Variants in GGACT observed in about 807,000 individuals in gnomAD.
The protein encoded by GGACT is gamma-glutamylaminecyclotransferase.
For synonymous variants in GGACT, 118 were observed against 115.3 expected, an observed-to-expected ratio of 1.02 and a Z score of -0.15; for missense variants, 241 against 233.2, an observed-to-expected ratio of 1.03 and a Z score of -0.22.
intron 2 of GGACT, among the ~76,000 whole-genome samples, chr13:100,551,273 G>A (rs918598687): frequency 6.6e-6 from 1 of 151,754 alleles, no homozygotes; most frequent in African/African-American, 2.4e-5. Context: ...GACAGAGCGA[G>A]ACTCTGTCTC....
rs1224053484 is a variant in GGACT at position 100,545,962 on chromosome 13, C to A, written c.-10-13361G>T. On this transcript the variant is annotated intron_variant, in intron 2 of 2. Transcript: ENST00000683975. The surrounding 1 kb of genome is among the most constrained non-coding windows in gnomAD (Gnocchi z 4.4). ...CAACCTGCTGGGCCACCCAGAGTGC[C>A]TTTCCCCCTCTTTTCCTCCATCATC... 1.3e-5 allele frequency among the ~76,000 whole-genome samples: 2 copies of A among 152,238 alleles called. No homozygotes were observed. Among genetic ancestry groups the A allele is most frequent in the Admixed American group, 1.3e-4 (2 of 15,286 alleles).
Position 100,545,400 on chromosome 13 carries a change from T to A in GGACT, c.-10-12799A>T, listed in dbSNP as rs574788617. On this transcript the variant is annotated intron_variant, in intron 2 of 2. Coordinates refer to ENST00000683975, the MANE Select transcript of GGACT (RefSeq NM_001195087.2). The surrounding 1 kb of genome is among the most constrained non-coding windows in gnomAD (Gnocchi z 4.4). Reference sequence around the variant, plus strand: ...AGAGCCTTCACGTCCCTTCCTGACCTCCTTCCTGACCTCCACGTCCCAGGG... The same window carrying A: ...AGAGCCTTCACGTCCCTTCCTGACCACCTTCCTGACCTCCACGTCCCAGGG... 2.6e-5 allele frequency among the ~76,000 whole-genome samples: 4 copies of A among 152,136 alleles called. No individual in the cohort carries two copies. The East Asian group carries it at 5.8e-4, about 22-fold the overall frequency.
intron 2 of GGACT, among the ~76,000 whole-genome samples, chr13:100,569,940 G>A (rs543449563): frequency 9.9e-5 from 15 of 152,268 alleles, no homozygotes; most frequent in South Asian, 4.1e-4. Flanking sequence ...CAAGTTCCTC[G>A]TTTCCATCTG....
chr13:100,577,604 A>C (rs1347792005), intron 2 of GGACT, among the ~76,000 whole-genome samples: 1 of 152,150 alleles, frequency 6.6e-6, no homozygotes, highest in East Asian at 1.9e-4. Context: ...CATTTGCTTC[A>C]AAACTCTAGA....
At chr13:100,562,408 A>T (rs2153015336) in intron 2 of GGACT, among the ~76,000 whole-genome samples, 1 of 152,294 alleles carries the variant, frequency 6.6e-6, no homozygotes, top group East Asian at 1.9e-4. Context: ...AGTACCTGTG[A>T]TTCACCAAAT....
At chr13:100,554,849 C>A (rs926414676) in intron 2 of GGACT, among the ~76,000 whole-genome samples, 22 of 152,020 alleles carry the variant, frequency 1.4e-4, no homozygotes, top group African/African-American at 4.8e-4. Flanking sequence ...AAGAAATCAT[C>A]AGTATAAGAA....
intron 1 of GGACT, among the ~76,000 whole-genome samples, chr13:100,584,458 T>A (rs1490072546): frequency 6.6e-6 from 1 of 151,952 alleles, no homozygotes; most frequent in Non-Finnish European, 1.5e-5. Context: ...GAGATCAGAA[T>A]GATGGTTACC....
chr13:100,532,130 T>G lies in GGACT; in HGVS notation c.462A>C (p.Ter154TyrextTer8). 6.9e-7 allele frequency: 1 copy of G among 1,443,370 alleles called. No individual in the cohort carries two copies. The highest frequency in any genetic ancestry group is 9.2e-7 in the Non-Finnish European group (1 of 1,092,324). 89.4% of individuals were successfully genotyped at this position (1,443,370 alleles called of 1,614,324 possible). Reference protein sequence around the residue: ...GLRYNPRENR* With the variant: ...GLRYNPRENRY The stretch of plus-strand genomic sequence containing the variant: ...CCTAGGCCCACCCTGCCCGTCCCCC[T>G]TATCTGTTCTCCCGGGGGTTGTAGC... The change falls in exon 3 of 3, where the codon TAA becomes TAC. Residue 154 changes from the stop codon to tyrosine, a stop_lost. Coordinates refer to ENST00000683975, the MANE Select transcript of GGACT (RefSeq NM_001195087.2).
chr13:100,553,381 A>T (rs1390993532), intron 2 of GGACT, among the ~76,000 whole-genome samples: 3 of 152,200 alleles, frequency 2.0e-5, no homozygotes, highest in Non-Finnish European at 2.9e-5. Flanking sequence ...AGCAGACACA[A>T]CTGAAATGTC....
intron 2 of GGACT, among the ~76,000 whole-genome samples, chr13:100,556,055 G>A (rs940779344): frequency 6.6e-5 from 10 of 152,192 alleles, no homozygotes; most frequent in African/African-American, 1.9e-4. Context: ...GAATAATCAA[G>A]TACTTTCCCT....
intron 2 of GGACT, among the ~76,000 whole-genome samples, chr13:100,546,278 C>T (rs1233288715): frequency 4.1e-5 from 6 of 146,136 alleles, no homozygotes; most frequent in African/African-American, 1.3e-4. Context: ...AGGGGAATGG[C>T]GTGAACCCGG....
At chr13:100,570,224 A>G (rs1875039417) in intron 2 of GGACT, among the ~76,000 whole-genome samples, 1 of 152,158 alleles carries the variant, frequency 6.6e-6, no homozygotes, top group South Asian at 2.1e-4. Flanking sequence ...GTACAAATTT[A>G]CTGTATTAGT....
At chr13:100,569,307 T>C (rs1419640370) in intron 2 of GGACT, among the ~76,000 whole-genome samples, 3 of 152,268 alleles carry the variant, frequency 2.0e-5, no homozygotes, top group African/African-American at 7.2e-5. Flanking sequence ...TCCAGGTGCC[T>C]CTGTACATCC....
At chr13:100,587,980 C>T (rs1008380849) in intron 1 of GGACT, among the ~76,000 whole-genome samples, 1 of 152,158 alleles carries the variant, frequency 6.6e-6, no homozygotes, top group South Asian at 2.1e-4. Context: ...GAGCCGAGAT[C>T]GCGCCACTGC....
intron 2 of GGACT, among the ~76,000 whole-genome samples, chr13:100,562,019 T>C (rs1161623955): frequency 2.0e-5 from 3 of 152,086 alleles, no homozygotes; most frequent in African/African-American, 7.2e-5. Context: ...CAACAGTGGG[T>C]TCGAAAGGAC....
In GGACT at chr13:100,585,822, C is replaced by CAAAAAAAAAAAAAA. The variant is rs550006144; in HGVS notation, c.-183-1839_-183-1826dup. ...CAGCCTGGGCAATACCTGTCTCCAC[C>CAAAAAAAAAAAAAA]AAAAAAAAAAAAAAAAAAAAAAAAA... On this transcript the variant is annotated intron_variant, in intron 1 of 2. Transcript: ENST00000683975. Among the ~76,000 whole-genome samples, 3 of 29,504 alleles carry CAAAAAAAAAAAAAA rather than the reference C, an allele frequency of 1.0e-4. 1 individual carries two copies. The highest frequency in any genetic ancestry group is 1.6e-4 in the Non-Finnish European group (2 of 12,830). The allele number at this position is 29,504 out of a possible 152,430, so 19.4% of individuals were successfully genotyped here. A position where few individuals can be genotyped will look rare whatever the true frequency, so the allele number is the denominator to read the frequency against.
chr13:100,544,494 G>A (rs796570812), intron 2 of GGACT, among the ~76,000 whole-genome samples: 9 of 152,288 alleles, frequency 5.9e-5, no homozygotes, highest in East Asian at 1.9e-4. Flanking sequence ...TGCATACCCC[G>A]GAAAAGTCCC....
At chr13:100,543,022 G>C (rs1230561064) in intron 2 of GGACT, among the ~76,000 whole-genome samples, 1 of 152,112 alleles carries the variant, frequency 6.6e-6, no homozygotes, top group Non-Finnish European at 1.5e-5. Context: ...GGTGGCAAGA[G>C]TGTAAAAGGC....
In GGACT at chr13:100,531,816, T is replaced by G. The variant is rs1191983304; in HGVS notation, c.*314A>C. On this transcript the variant is annotated 3_prime_UTR_variant, in exon 3 of 3. Transcript: ENST00000683975. ...TGATCCTAAATATTTATTATTATCT[T>G]GAGCTCAAAGCAGAGCCAACAGCAG... 3.6e-6 allele frequency: 1 copy of G among 277,724 alleles called. No homozygotes were observed. The highest frequency in any genetic ancestry group is 1.5e-4 in the South Asian group (1 of 6,512). The allele number at this position is 277,724 out of a possible 1,614,324, so 17.2% of individuals were successfully genotyped here.
Sources: allele counts gnomAD v4.1 joint callset (sites outside exome capture counted in the v4.1 genomes callset), GRCh38; gene constraint gnomAD v4.1.1; non-coding constraint Gnocchi (gnomAD v3.1); transcripts MANE v1.5; gene names NCBI Gene and HGNC (gene_info 2026-07-23, HGNC 2026-07-21).